TNFSF4: variants seen among roughly 807,000 people sequenced by gnomAD.
TNFSF4 encodes the protein TNF superfamily member 4.
TNFSF4 carries 4 observed loss-of-function variants against 7.3 expected under a neutral mutation model. The ratio of observed to expected loss-of-function variants is 0.55; its 90% confidence interval spans 0.27 to 1.25. TNFSF4 has a LOEUF of 1.25. TNFSF4 is among the 50% of genes most tolerant of loss of function. TNFSF4 has a pLI of 0.12. For missense variants in TNFSF4, 181 were observed against 208.8 expected, an observed-to-expected ratio of 0.87 and a Z score of 0.82; for synonymous variants, 76 against 83.7, an observed-to-expected ratio of 0.91 and a Z score of 0.50.
chr1:173,370,931 T>A, the TNFSF4 span, among the ~76,000 whole-genome samples: 2 of 152,142 alleles, frequency 1.3e-5, no homozygotes, highest in Non-Finnish European at 2.9e-5. Flanking sequence ...GATTGTCCAA[T>A]GAGAAACAAG....
At chr1:173,393,438 G>T in the TNFSF4 span, among the ~76,000 whole-genome samples, 1 of 151,972 alleles carries the variant, frequency 6.6e-6, no homozygotes, top group Non-Finnish European at 1.5e-5. Flanking sequence ...TGCTCCTTTC[G>T]CCCTTTGCCA....
At chr1:173,349,669 C>A in the TNFSF4 span, among the ~76,000 whole-genome samples, 1 of 152,140 alleles carries the variant, frequency 6.6e-6, no homozygotes, top group South Asian at 2.1e-4. Flanking sequence ...TACTTCAATT[C>A]TTTTAAGCTG....
the TNFSF4 span, among the ~76,000 whole-genome samples, chr1:173,277,495 T>C: frequency 6.6e-6 from 1 of 151,814 alleles, no homozygotes; most frequent in South Asian, 2.1e-4. Flanking sequence ...AGGAGAAGAG[T>C]GGCAAGGAGG....
chr1:173,390,575 T>C, the TNFSF4 span, among the ~76,000 whole-genome samples: 1 of 152,190 alleles, frequency 6.6e-6, no homozygotes, highest in African/African-American at 2.4e-5. Context: ...TTATTCTTTG[T>C]TGTTCAAGTG....
chr1:173,194,309 T>G (rs1649605910), intron 1 of TNFSF4, among the ~76,000 whole-genome samples: 1 of 152,244 alleles, frequency 6.6e-6, no homozygotes, highest in South Asian at 2.1e-4. Context: ...ACTCAACTCT[T>G]GGAACACAAG....
chr1:173,277,123 T>C, the TNFSF4 span, among the ~76,000 whole-genome samples: 13,562 of 152,116 alleles, frequency 0.089, 702 homozygotes, highest in Middle Eastern at 0.12. Context: ...ACTCTGCCAG[T>C]AGTAAAAAAG....
the TNFSF4 span, among the ~76,000 whole-genome samples, chr1:173,312,142 T>C: frequency 6.6e-6 from 1 of 152,102 alleles, no homozygotes; most frequent in African/African-American, 2.4e-5. Flanking sequence ...AAGTTGTAAA[T>C]TCTAAGGTTT....
the TNFSF4 span, among the ~76,000 whole-genome samples, chr1:173,407,731 C>T: frequency 1.9e-5 from 1 of 53,362 alleles, no homozygotes; most frequent in African/African-American, 5.0e-5. Context: ...TGTGTGTGTC[C>T]TAGCTCTATA....
the TNFSF4 span, among the ~76,000 whole-genome samples, chr1:173,379,105 C>T: frequency 6.6e-6 from 1 of 152,224 alleles, no homozygotes; most frequent in Admixed American, 6.5e-5. Flanking sequence ...AGATCAAACC[C>T]TGGCCTTTAA....
the TNFSF4 span, among the ~76,000 whole-genome samples, chr1:173,316,108 A>G: frequency 2.3e-3 from 350 of 152,268 alleles, 2 homozygotes; most frequent in African/African-American, 7.8e-3. Flanking sequence ...TTGCATGTCA[A>G]TATCCAGTTT....
the TNFSF4 span, among the ~76,000 whole-genome samples, chr1:173,230,792 T>A: frequency 1.3e-5 from 2 of 152,166 alleles, no homozygotes; most frequent in African/African-American, 4.8e-5. Flanking sequence ...CAGAGAATAC[T>A]ATAAAATACC....
chr1:173,178,530 C>T, the TNFSF4 span, among the ~76,000 whole-genome samples: 550 of 152,152 alleles, frequency 3.6e-3, 6 homozygotes, highest in Non-Finnish European at 4.4e-3. Flanking sequence ...GCTGAGATGG[C>T]GCCACTGCAC....
At chr1:173,370,520 A>G in the TNFSF4 span, among the ~76,000 whole-genome samples, 1 of 152,202 alleles carries the variant, frequency 6.6e-6, no homozygotes, top group African/African-American at 2.4e-5. Context: ...AACTCAGGGA[A>G]AAGAAGAAAA....
At chr1:173,394,818 C>A in the TNFSF4 span, among the ~76,000 whole-genome samples, 1 of 152,068 alleles carries the variant, frequency 6.6e-6, no homozygotes, top group Non-Finnish European at 1.5e-5. Context: ...CAGTCTTTGT[C>A]CCAGGTCTGT....
At chr1:173,254,905 G>A in the TNFSF4 span, among the ~76,000 whole-genome samples, 1 of 152,186 alleles carries the variant, frequency 6.6e-6, no homozygotes, top group African/African-American at 2.4e-5. Flanking sequence ...GAAGGAAGAA[G>A]CTAGGTTTGA....
At chr1:173,401,131 G>A in the TNFSF4 span, among the ~76,000 whole-genome samples, 5 of 151,830 alleles carry the variant, frequency 3.3e-5, no homozygotes, top group African/African-American at 4.8e-5. Context: ...ATTTTACATC[G>A]TAGTGTTTAA....
At chr1:173,203,609 A>T (rs1215953891) in intron 1 of TNFSF4, among the ~76,000 whole-genome samples, 1 of 152,192 alleles carries the variant, frequency 6.6e-6, no homozygotes, top group East Asian at 1.9e-4. Flanking sequence ...GAAACTGTGA[A>T]TTCTAATTCC....
the TNFSF4 span, among the ~76,000 whole-genome samples, chr1:173,227,115 T>C: frequency 6.7e-6 from 1 of 150,276 alleles, no homozygotes; most frequent in African/African-American, 2.5e-5. Flanking sequence ...TTCTTTTGTT[T>C]TTTTTTTTTT....
chr1:173,334,726 G>A, the TNFSF4 span, among the ~76,000 whole-genome samples: 6 of 152,164 alleles, frequency 3.9e-5, no homozygotes, highest in African/African-American at 1.4e-4. Context: ...GAAGAGGTAT[G>A]TCCACCGCAG....
Sources: allele counts gnomAD v4.1 joint callset (sites outside exome capture counted in the v4.1 genomes callset), GRCh38; gene constraint gnomAD v4.1.1; transcripts MANE v1.5; gene names NCBI Gene and HGNC (gene_info 2026-07-23, HGNC 2026-07-21).